Variants in NSUN6 observed in about 807,000 individuals in gnomAD.
The protein encoded by NSUN6 is tRNA (cytosine(72)-C(5))-methyltransferase NSUN6.
A neutral mutation model predicts 58.0 loss-of-function variants in NSUN6; 64 were observed. The observed-to-expected ratio is 1.10, with a 90% CI of 0.90 to 1.36. The LOEUF is 1.36. Ranked by LOEUF, NSUN6 falls within the 40% of genes most tolerant of loss-of-function variation. NSUN6 has a pLI of 0.00. For synonymous variants in NSUN6, 231 were observed against 193.9 expected (o/e 1.19, Z -1.59); for missense variants, 701 against 550.1 (o/e 1.27, Z -2.74).
intron 2 of NSUN6, among the ~76,000 whole-genome samples, chr10:18,646,087 C>T (rs376530931): frequency 6.6e-6 from 1 of 152,054 alleles, no homozygotes; most frequent in Admixed American, 6.5e-5. Context: ...CCCAGCTACT[C>T]GGGAGGCTAA....
intron 7 of NSUN6, among the ~76,000 whole-genome samples, chr10:18,587,915 A>C (rs937638746): frequency 1.3e-5 from 2 of 151,776 alleles, no homozygotes; most frequent in Non-Finnish European, 2.9e-5. Flanking sequence ...CTGGAACCCC[A>C]GTAAGACAGA....
At chr10:18,582,921 A>C (rs1419888649) in intron 8 of NSUN6, among the ~76,000 whole-genome samples, 3 of 152,176 alleles carry the variant, frequency 2.0e-5, no homozygotes, top group Non-Finnish European at 4.4e-5. Flanking sequence ...GGAGGAGGTG[A>C]ATTAGCATTC....
chr10:18,586,801 G>C (rs2057168020), intron 7 of NSUN6, among the ~76,000 whole-genome samples: 2 of 152,178 alleles, frequency 1.3e-5, no homozygotes. Flanking sequence ...CTGGTGGCCA[G>C]CTTTTATTCC....
chr10:18,639,275 A>G (rs1393406835), intron 3 of NSUN6, among the ~76,000 whole-genome samples: 3 of 152,156 alleles, frequency 2.0e-5, no homozygotes, highest in African/African-American at 7.2e-5. Flanking sequence ...CAGGCGGATC[A>G]TGAAGTCAGA....
At chr10:18,658,970 G>C (rs1428813138), upstream of NSUN6, among the ~76,000 whole-genome samples, 1 of 152,222 alleles carries the variant, frequency 6.6e-6, no homozygotes, top group East Asian at 1.9e-4. Context: ...TAGGGGAACA[G>C]GAATAAGTCA....
At chr10:18,627,451 C>A (rs55927700) in intron 3 of NSUN6, among the ~76,000 whole-genome samples, 3 of 152,046 alleles carry the variant, frequency 2.0e-5, no homozygotes, top group Admixed American at 6.6e-5. Flanking sequence ...CAGCTCCCAG[C>A]GTGAGCGACG....
chr10:18,656,184 C>T (rs753552479), upstream of NSUN6, among the ~76,000 whole-genome samples: 22 of 152,150 alleles, frequency 1.4e-4, no homozygotes, highest in African/African-American at 3.4e-4. Context: ...AATTTTCTGA[C>T]GGGAAATCTA....
intron 8 of NSUN6, among the ~76,000 whole-genome samples, chr10:18,572,955 C>CCATTCTCCATTCCATTT: frequency 6.6e-6 from 1 of 151,668 alleles, no homozygotes; most frequent in South Asian, 2.1e-4. Context: ...CCATTCCATT[C>CCATTCTCCATTCCATTT]CATTCTCCAT....
chr10:18,580,379 CCTT>C (rs2056851152), intron 8 of NSUN6, among the ~76,000 whole-genome samples: 1 of 152,162 alleles, frequency 6.6e-6, no homozygotes, highest in South Asian at 2.1e-4. Flanking sequence ...CTCCCTCTCT[CCTT>C]AAGCTCCCAG....
chr10:18,594,058 G>A (rs1414896912), intron 7 of NSUN6, among the ~76,000 whole-genome samples: 1 of 151,792 alleles, frequency 6.6e-6, no homozygotes, highest in African/African-American at 2.4e-5. Context: ...AAATTATTCG[G>A]GTGTGGTGGC....
At chr10:18,631,562 G>A (rs2059031861) in intron 3 of NSUN6, among the ~76,000 whole-genome samples, 1 of 130,320 alleles carries the variant, frequency 7.7e-6, no homozygotes, top group African/African-American at 2.9e-5. Flanking sequence ...AAAGTCTCAG[G>A]ATACAAAATC....
intron 8 of NSUN6, among the ~76,000 whole-genome samples, chr10:18,559,058 G>A (rs944740171): frequency 5.3e-5 from 8 of 150,726 alleles, no homozygotes; most frequent in South Asian, 2.1e-4. Flanking sequence ...AATGGAGGAT[G>A]GTATGGAGAA....
chr10:18,556,846 A>G (rs1355512037), intron 8 of NSUN6, among the ~76,000 whole-genome samples: 1 of 150,888 alleles, frequency 6.6e-6, no homozygotes, highest in African/African-American at 2.4e-5. Flanking sequence ...ATGCAAGGGA[A>G]TGGAATGGAG....
intron 9 of NSUN6, among the ~76,000 whole-genome samples, chr10:18,549,514 T>C (rs2054478704): frequency 6.6e-6 from 1 of 152,186 alleles, no homozygotes; most frequent in African/African-American, 2.4e-5. Flanking sequence ...CCTTCTAATA[T>C]ACTAAAAAAC....
intron 3 of NSUN6, among the ~76,000 whole-genome samples, chr10:18,620,810 G>C (rs1317969881): frequency 6.6e-6 from 1 of 152,146 alleles, no homozygotes; most frequent in Non-Finnish European, 1.5e-5. Context: ...TTAGACTATA[G>C]AACTATGTCT....
intron 8 of NSUN6, among the ~76,000 whole-genome samples, chr10:18,565,314 ATTCCATTCTCCATTCCATTCCC>A (rs2055844639): frequency 6.8e-6 from 1 of 147,632 alleles, no homozygotes; most frequent in Non-Finnish European, 1.5e-5. Flanking sequence ...TCTCGATTCC[ATTCCATTCTCCATTCCATTCCC>A]TTCCATTCTC....
At chr10:18,617,185 G>GTTTTTTTT (rs35698731) in intron 3 of NSUN6, among the ~76,000 whole-genome samples, 2 of 127,666 alleles carry the variant, frequency 1.6e-5, no homozygotes, top group Non-Finnish European at 1.6e-5. Context: ...AGCCTTTCTA[G>GTTTTTTTT]TTTTTTTTTT....
intron 3 of NSUN6, among the ~76,000 whole-genome samples, chr10:18,624,043 C>T (rs1438137378): frequency 6.6e-6 from 1 of 151,698 alleles, no homozygotes; most frequent in Admixed American, 6.6e-5. Flanking sequence ...CACACACATA[C>T]ACAAAAAGCA....
intron 8 of NSUN6, among the ~76,000 whole-genome samples, chr10:18,567,509 C>G (rs1443800310): frequency 6.6e-6 from 1 of 151,256 alleles, no homozygotes; most frequent in African/African-American, 2.4e-5. Flanking sequence ...CCATTCCATT[C>G]TATTCACCAC....
Sources: allele counts gnomAD v4.1 joint callset (sites outside exome capture counted in the v4.1 genomes callset), GRCh38; gene constraint gnomAD v4.1.1; transcripts MANE v1.5; gene names NCBI Gene and HGNC (gene_info 2026-07-23, HGNC 2026-07-21).